The following NWD2 variants were observed in gnomAD, a reference collection of about 807,000 sequenced individuals.
The protein encoded by NWD2 is NACHT and WD repeat domain containing 2.
Under a neutral mutation model 132.7 loss-of-function variants are expected in NWD2, and 37 were observed. The ratio of observed to expected loss-of-function variants is 0.28; its 90% CI spans 0.21 to 0.37. The LOEUF is 0.37. Ranked by LOEUF, NWD2 falls within the 10% of genes least tolerant of loss-of-function variation. NWD2 has a pLI of 1.00. For missense variants in NWD2, 1,592 were observed against 2,122.4 expected (o/e 0.75, Z 4.91); for synonymous variants, 705 against 803.0 (o/e 0.88, Z 2.06).
intron 1 of NWD2, among the ~76,000 whole-genome samples, chr4:37,285,782 G>A (rs1185666965): frequency 1.3e-5 from 2 of 152,060 alleles, no homozygotes; most frequent in African/African-American, 4.8e-5. Context: ...ATAGTAACTT[G>A]ATTTTTTAAA....
intron 4 of NWD2, 36 bp from the exon 5 acceptor site, chr4:37,433,840 T>C: frequency 1.3e-6 from 2 of 1,481,856 alleles, no homozygotes; most frequent in Non-Finnish European, 1.8e-6. Context: ...TCTTTGATGA[T>C]TGTAAGACTA....
At chr4:37,316,156 T>C (rs1409914210) in intron 1 of NWD2, among the ~76,000 whole-genome samples, 1 of 152,140 alleles carries the variant, frequency 6.6e-6, no homozygotes, top group Non-Finnish European at 1.5e-5. Context: ...TTCTTTAGTA[T>C]AGTCTATAAT....
At chr4:37,359,033 A>T (rs1400512872) in intron 3 of NWD2, among the ~76,000 whole-genome samples, 3 of 152,158 alleles carry the variant, frequency 2.0e-5, no homozygotes, top group East Asian at 3.9e-4. Context: ...GCTTTACCGT[A>T]ATCCAGCCTT....
chr4:37,435,224 A>G (rs188843349), intron 5 of NWD2, among the ~76,000 whole-genome samples: 204 of 152,332 alleles, frequency 1.3e-3, no homozygotes, highest in African/African-American at 4.7e-3. Context: ...GTAAAAATTT[A>G]TAAAGGGAAA....
At chr4:37,401,470 G>A (rs1720893647) in intron 3 of NWD2, among the ~76,000 whole-genome samples, 1 of 152,118 alleles carries the variant, frequency 6.6e-6, no homozygotes, top group Admixed American at 6.5e-5. Flanking sequence ...TCTTCCATCT[G>A]TGACTCTATT....
At chr4:37,379,970 G>C (rs1158656841) in intron 3 of NWD2, among the ~76,000 whole-genome samples, 1 of 152,172 alleles carries the variant, frequency 6.6e-6, no homozygotes, top group African/African-American at 2.4e-5. Flanking sequence ...GGAAACAACC[G>C]AAAAGTAAAG....
At chr4:37,415,660 C>T (rs192979487) in intron 3 of NWD2, among the ~76,000 whole-genome samples, 12 of 147,144 alleles carry the variant, frequency 8.2e-5, no homozygotes, top group Admixed American at 2.7e-4. Context: ...GCCGAGATCG[C>T]GCCACTGCAC....
intron 1 of NWD2, among the ~76,000 whole-genome samples, chr4:37,293,882 A>C (rs1718419098): frequency 1.4e-5 from 1 of 69,376 alleles, no homozygotes; most frequent in Admixed American, 1.2e-4. Flanking sequence ...GGCACACTGC[A>C]TTTAAAAAAA....
chr4:37,275,603 G>C (rs917644037), intron 1 of NWD2, among the ~76,000 whole-genome samples: 2 of 152,114 alleles, frequency 1.3e-5, no homozygotes, highest in Non-Finnish European at 2.9e-5. Flanking sequence ...AATCAAAAAA[G>C]AGCCCACATC....
intron 2 of NWD2, among the ~76,000 whole-genome samples, chr4:37,333,657 T>G (rs1388925920): frequency 6.6e-6 from 1 of 151,974 alleles, no homozygotes; most frequent in East Asian, 1.9e-4. Flanking sequence ...AATACCTAAC[T>G]CTTAAATACC....
intron 2 of NWD2, among the ~76,000 whole-genome samples, chr4:37,331,959 G>C (rs55786942): frequency 0.19 from 28,474 of 152,154 alleles, 2,765 homozygotes; most frequent in South Asian, 0.32. Context: ...GGGCAGAAAT[G>C]AGCCAGTGCC....
chr4:37,337,668 G>A (rs1248771517), intron 2 of NWD2, among the ~76,000 whole-genome samples: 1 of 152,138 alleles, frequency 6.6e-6, no homozygotes, highest in Non-Finnish European at 1.5e-5. Flanking sequence ...CTGTCCACCT[G>A]GTTTTCTTCT....
chr4:37,434,101 A>C lies in NWD2; in HGVS notation c.706+81A>C, dbSNP rs1405544898. On this transcript the variant is annotated intron_variant, in intron 5 of 6. Coordinates refer to ENST00000309447, the MANE Select transcript of NWD2 (RefSeq NM_001144990.2). ...ACTGCTTCCCTTTAATGCCCTGCAAATTTAATCTCATTTACTGCCTGGTGA... is the reference window on the plus strand; with the variant it reads ...ACTGCTTCCCTTTAATGCCCTGCAACTTTAATCTCATTTACTGCCTGGTGA... 52 of 778,968 alleles carry C rather than the reference A, an allele frequency of 6.7e-5. No homozygotes were observed. In the Admixed American group the frequency reaches 1.0e-3, roughly 16 times the overall value. 48.3% of individuals were successfully genotyped at this position (778,968 alleles called of 1,614,324 possible).
chr4:37,335,112 A>C (rs1390191531), intron 2 of NWD2, among the ~76,000 whole-genome samples: 1 of 152,090 alleles, frequency 6.6e-6, no homozygotes, highest in Non-Finnish European at 1.5e-5. Context: ...TCCACAAGAT[A>C]CAGTCTATGC....
intron 2 of NWD2, among the ~76,000 whole-genome samples, chr4:37,340,887 C>T (rs921735437): frequency 3.9e-5 from 6 of 152,242 alleles, no homozygotes; most frequent in African/African-American, 9.6e-5. Flanking sequence ...CTTAGAAATA[C>T]GGAAGTAAAT....
At chr4:37,431,021 T>C (rs920697256) in intron 4 of NWD2, among the ~76,000 whole-genome samples, 2 of 152,000 alleles carry the variant, frequency 1.3e-5, no homozygotes, top group African/African-American at 4.8e-5. Context: ...ATAATAGGAG[T>C]TGGAGAGGAT....
chr4:37,277,593 T>C (rs1235754020), intron 1 of NWD2, among the ~76,000 whole-genome samples: 1 of 152,092 alleles, frequency 6.6e-6, no homozygotes, highest in Non-Finnish European at 1.5e-5. Flanking sequence ...TAAAAAAAAA[T>C]TCAGCTGCCT....
At chr4:37,407,573 G>A (rs1239459855) in intron 3 of NWD2, among the ~76,000 whole-genome samples, 1 of 152,124 alleles carries the variant, frequency 6.6e-6, no homozygotes, top group East Asian at 1.9e-4. Flanking sequence ...GAGAGGGAGT[G>A]GGGATATTAT....
chr4:37,264,463 T>C (rs1717709239), intron 1 of NWD2, among the ~76,000 whole-genome samples: 1 of 152,130 alleles, frequency 6.6e-6, no homozygotes, highest in Non-Finnish European at 1.5e-5. Flanking sequence ...GTGCAGCCAG[T>C]AAACTCGGTG....
Sources: gnomAD v4.1 joint callset for allele counts (sites outside exome capture counted in the v4.1 genomes callset) on GRCh38, gnomAD v4.1.1 for gene constraint, MANE v1.5 for transcripts, NCBI Gene and HGNC (gene_info 2026-07-23, HGNC 2026-07-21) for gene names.